Variants in KSR2 observed in about 807,000 individuals in gnomAD.
KSR2 encodes kinase suppressor of ras 2.
In KSR2, 25 loss-of-function variants were observed where a neutral mutation model predicts 107.8. The ratio of observed to expected loss-of-function variants is 0.23; its 90% CI spans 0.17 to 0.32. KSR2 has a LOEUF of 0.32. Among genes scored for constraint, KSR2 ranks in the 10% least tolerant of loss-of-function variants. KSR2 has a pLI of 1.00. For missense variants in KSR2, 887 were observed against 1,268.9 expected (o/e 0.70, Z 4.57); for synonymous variants, 480 against 507.0 (o/e 0.95, Z 0.71).
intron 1 of KSR2, among the ~76,000 whole-genome samples, chr12:117,893,944 C>CTGTCGCCCA (rs1894427018): frequency 7.0e-6 from 1 of 143,544 alleles, no homozygotes; most frequent in South Asian, 2.2e-4. Context: ...GAGTCTCGCT[C>CTGTCGCCCA]TGTCGCCCAG....
At position 117,844,605 on chromosome 12, in the gene KSR2, C is replaced by T. The variant is rs201881341; in HGVS notation, c.472+10823G>A. On this transcript the variant is annotated intron_variant, in intron 3 of 19. Transcript: ENST00000339824. ...CTGACATCACAGCCCAAATTTCCACCACATATTTCATACTAACTTCTCCCA... is the reference window on the plus strand; with the variant it reads ...CTGACATCACAGCCCAAATTTCCACTACATATTTCATACTAACTTCTCCCA... Among the ~76,000 whole-genome samples, 783 of 152,142 alleles carry T rather than the reference C, an allele frequency of 5.1e-3. 3 individuals carry two copies. The highest frequency in any genetic ancestry group is 9.7e-3 in the Non-Finnish European group (661 of 68,004).
At chr12:117,840,999 C>CAAA (rs11452478) in intron 3 of KSR2, among the ~76,000 whole-genome samples, 3 of 140,640 alleles carry the variant, frequency 2.1e-5, no homozygotes, top group Non-Finnish European at 3.1e-5. Context: ...GATTCTGTCT[C>CAAA]AAAAAAAAAA....
At chr12:117,522,826 C>T (rs917990738) in intron 14 of KSR2, among the ~76,000 whole-genome samples, 8 of 152,152 alleles carry the variant, frequency 5.3e-5, no homozygotes, top group African/African-American at 1.9e-4. Context: ...TGACTATCCC[C>T]TTGTTGACCC....
intron 9 of KSR2, among the ~76,000 whole-genome samples, chr12:117,546,311 G>A (rs1017557528): frequency 2.0e-5 from 3 of 152,092 alleles, no homozygotes; most frequent in Admixed American, 1.3e-4. Flanking sequence ...GGCCTCCATG[G>A]TTTCTGATGA....
At chr12:117,640,156 C>T (rs1883291232) in intron 5 of KSR2, among the ~76,000 whole-genome samples, 2 of 152,156 alleles carry the variant, frequency 1.3e-5, no homozygotes, top group Non-Finnish European at 2.9e-5. Flanking sequence ...TGAATCAAGA[C>T]ACGCTTCACT....
chr12:117,946,534 C>A (rs1214249738), intron 1 of KSR2, among the ~76,000 whole-genome samples: 2 of 152,070 alleles, frequency 1.3e-5, no homozygotes, highest in Admixed American at 6.6e-5. Context: ...TCACCAAGAA[C>A]AAATACACTA....
At chr12:117,697,694 C>T (rs866002825) in intron 4 of KSR2, among the ~76,000 whole-genome samples, 5 of 149,104 alleles carry the variant, frequency 3.4e-5, no homozygotes, top group Non-Finnish European at 5.9e-5. Flanking sequence ...CAGCCGAGAT[C>T]GCGCCACTGC....
chr12:117,558,845 G>T (rs1232117557), intron 7 of KSR2, among the ~76,000 whole-genome samples: 1 of 151,894 alleles, frequency 6.6e-6, no homozygotes, highest in African/African-American at 2.4e-5. Flanking sequence ...TAGGTGGCTG[G>T]ACAGATGGAT....
At chr12:117,518,644 C>T (rs933381001) in intron 14 of KSR2, among the ~76,000 whole-genome samples, 3 of 152,232 alleles carry the variant, frequency 2.0e-5, no homozygotes, top group Admixed American at 6.5e-5. Flanking sequence ...TAAAACCTTA[C>T]GTGGGCTTCC....
At chr12:117,908,015 A>G (rs192854520) in intron 1 of KSR2, among the ~76,000 whole-genome samples, 79 of 152,348 alleles carry the variant, frequency 5.2e-4, no homozygotes, top group Admixed American at 2.0e-3. Flanking sequence ...AAGAATGTAA[A>G]TAAGAAAAGG....
intron 14 of KSR2, among the ~76,000 whole-genome samples, chr12:117,504,325 G>C (rs530550981): frequency 7.2e-5 from 11 of 152,150 alleles, no homozygotes; most frequent in Non-Finnish European, 1.6e-4. Flanking sequence ...TCAATTGAAA[G>C]TCCTGTCATT....
chr12:117,603,407 A>C (rs937465639), intron 5 of KSR2, among the ~76,000 whole-genome samples: 3 of 152,258 alleles, frequency 2.0e-5, no homozygotes, highest in Non-Finnish European at 4.4e-5. Context: ...TCAACTTTGT[A>C]ACCTTGTTTT....
chr12:117,538,092 A>G (rs1398316819), intron 10 of KSR2, among the ~76,000 whole-genome samples: 2 of 117,854 alleles, frequency 1.7e-5, no homozygotes, highest in Non-Finnish European at 3.5e-5. Context: ...GGTCATGGGA[A>G]GTCTAACGGT....
chr12:117,793,622 C>T (rs1240912870), intron 3 of KSR2, among the ~76,000 whole-genome samples: 2 of 148,108 alleles, frequency 1.4e-5, no homozygotes, highest in Non-Finnish European at 3.0e-5. Context: ...CTCACACCAA[C>T]ATGCACACTT....
chr12:117,864,657 A>T (rs1303082599), intron 1 of KSR2, among the ~76,000 whole-genome samples: 1 of 152,196 alleles, frequency 6.6e-6, no homozygotes, highest in Non-Finnish European at 1.5e-5. Context: ...CCCTGAAGGC[A>T]CTGCGGAAGG....
chr12:117,568,232 T>A (rs1417787301), intron 7 of KSR2, among the ~76,000 whole-genome samples: 1 of 152,046 alleles, frequency 6.6e-6, no homozygotes, highest in Non-Finnish European at 1.5e-5. Context: ...GACTGTAGAG[T>A]CTTCTTGGCT....
At chr12:117,864,393 A>G (rs1362161212) in intron 1 of KSR2, among the ~76,000 whole-genome samples, 1 of 152,214 alleles carries the variant, frequency 6.6e-6, no homozygotes, top group Non-Finnish European at 1.5e-5. Flanking sequence ...TATAGATATA[A>G]AAATAAATGT....
intron 3 of KSR2, among the ~76,000 whole-genome samples, chr12:117,823,255 A>G (rs933492090): frequency 6.6e-6 from 1 of 152,010 alleles, no homozygotes; most frequent in African/African-American, 2.4e-5. Context: ...TTGCTTTGGG[A>G]TTTTAAGAGA....
chr12:117,475,750 G>A (rs1871737959), intron 17 of KSR2, among the ~76,000 whole-genome samples: 1 of 152,160 alleles, frequency 6.6e-6, no homozygotes, highest in Non-Finnish European at 1.5e-5. Flanking sequence ...CCTCCCCTTA[G>A]GTGTGGACTG....
Sources: allele counts gnomAD v4.1 joint callset (sites outside exome capture counted in the v4.1 genomes callset), GRCh38; gene constraint gnomAD v4.1.1; transcripts MANE v1.5; gene names NCBI Gene and HGNC (gene_info 2026-07-23, HGNC 2026-07-21).